Variants in ZFPM2 observed in about 807,000 individuals in gnomAD.
The protein encoded by ZFPM2 is zinc finger protein ZFPM2.
Under a neutral mutation model 98.6 loss-of-function variants are expected in ZFPM2, and 20 were observed. The ratio of observed to expected loss-of-function variants is 0.20; its 90% CI spans 0.14 to 0.29. The LOEUF is 0.29. Among genes scored for constraint, ZFPM2 ranks in the 10% least tolerant of loss-of-function variants. ZFPM2 has a pLI of 1.00. For synonymous variants in ZFPM2, 518 were observed against 502.7 expected, an observed-to-expected ratio of 1.03 and a Z score of -0.41; for missense variants, 1,310 against 1,388.6, an observed-to-expected ratio of 0.94 and a Z score of 0.90.
chr8:105,447,135 C>A (rs1046170174), intron 3 of ZFPM2, among the ~76,000 whole-genome samples: 1 of 151,834 alleles, frequency 6.6e-6, no homozygotes, highest in Non-Finnish European at 1.5e-5. Context: ...GACTATTACA[C>A]ATTGTTTTCC....
chr8:105,740,765 T>C (rs1586232103), intron 5 of ZFPM2, among the ~76,000 whole-genome samples: 1 of 151,976 alleles, frequency 6.6e-6, no homozygotes, highest in South Asian at 2.1e-4. Context: ...CATAGGAGTT[T>C]ATACTCCAAT....
At chr8:105,455,921 G>C (rs530667757) in intron 3 of ZFPM2, among the ~76,000 whole-genome samples, 8 of 152,250 alleles carry the variant, frequency 5.3e-5, no homozygotes, top group African/African-American at 1.7e-4. Context: ...CTGGGGTAGA[G>C]ATAGAAATTG....
At chr8:105,503,483 GA>G (rs1057244513) in intron 3 of ZFPM2, among the ~76,000 whole-genome samples, 1 of 151,930 alleles carries the variant, frequency 6.6e-6, no homozygotes, top group Non-Finnish European at 1.5e-5. Flanking sequence ...ATAGTCTATG[GA>G]AAAAAACAAG....
At chr8:105,795,298 G>C (rs1813763802) in intron 6 of ZFPM2, among the ~76,000 whole-genome samples, 1 of 142,982 alleles carries the variant, frequency 7.0e-6, no homozygotes, top group South Asian at 2.2e-4. Flanking sequence ...AATTGTCCTG[G>C]GAGTGTAGAA....
At chr8:105,452,058 C>T (rs1451447641) in intron 3 of ZFPM2, among the ~76,000 whole-genome samples, 2 of 152,190 alleles carry the variant, frequency 1.3e-5, no homozygotes, top group African/African-American at 4.8e-5. Flanking sequence ...AGAAACTTCA[C>T]TTAAATAGCT....
At chr8:105,489,229 A>T (rs1308444548) in intron 3 of ZFPM2, among the ~76,000 whole-genome samples, 1 of 151,904 alleles carries the variant, frequency 6.6e-6, no homozygotes, top group Non-Finnish European at 1.5e-5. Context: ...TCAGTTAGAG[A>T]AAAATCCTGT....
chr8:105,376,313 ATC>A (rs982408361), intron 1 of ZFPM2, among the ~76,000 whole-genome samples: 1 of 152,094 alleles, frequency 6.6e-6, no homozygotes, highest in African/African-American at 2.4e-5. Context: ...TCTGCTCAAT[ATC>A]TAGACATTGA....
chr8:105,751,376 A>T (rs1266498725), intron 5 of ZFPM2, among the ~76,000 whole-genome samples: 1 of 152,116 alleles, frequency 6.6e-6, no homozygotes, highest in Non-Finnish European at 1.5e-5. Context: ...AGCAGTGGCA[A>T]ACTTGAAGTC....
intron 2 of ZFPM2, among the ~76,000 whole-genome samples, chr8:105,424,286 G>A (rs1363061740): frequency 6.6e-6 from 1 of 151,752 alleles, no homozygotes; most frequent in Admixed American, 6.6e-5. Context: ...AAGGCCAGAA[G>A]GGAAAATGAT....
intron 1 of ZFPM2, among the ~76,000 whole-genome samples, chr8:105,368,286 G>T (rs1810548591): frequency 6.6e-6 from 1 of 151,980 alleles, no homozygotes; most frequent in Non-Finnish European, 1.5e-5. Context: ...GATTGGAATA[G>T]TTTCAGAAGG....
intron 5 of ZFPM2, among the ~76,000 whole-genome samples, chr8:105,739,031 GT>G (rs1291014511): frequency 6.6e-6 from 1 of 151,952 alleles, no homozygotes; most frequent in Non-Finnish European, 1.5e-5. Flanking sequence ...AGAATATGAA[GT>G]GTTTATTGGC....
At chr8:105,629,780 C>A (rs1416980891) in intron 4 of ZFPM2, among the ~76,000 whole-genome samples, 1 of 152,138 alleles carries the variant, frequency 6.6e-6, no homozygotes, top group East Asian at 1.9e-4. Flanking sequence ...CCACTACATT[C>A]TTTAGTTTCT....
chr8:105,622,185 C>G lies in ZFPM2; in HGVS notation c.421-12061C>G, dbSNP rs147447758. ...ACTTGGCCCAAACTTCAGTGTAACA[C>G]ACATGCAAATAATTGTAGAATTTAA... On this transcript the variant is annotated intron_variant, in intron 4 of 7. Coordinates refer to ENST00000407775, the MANE Select transcript of ZFPM2 (RefSeq NM_012082.4). Among the ~76,000 whole-genome samples, 84 of 152,162 alleles carry G rather than the reference C, an allele frequency of 5.5e-4. No homozygotes were observed. The East Asian group carries it at 0.012, about 22-fold the overall frequency.
At chr8:105,723,624 T>A (rs1465488136) in intron 5 of ZFPM2, among the ~76,000 whole-genome samples, 1 of 151,812 alleles carries the variant, frequency 6.6e-6, no homozygotes, top group Non-Finnish European at 1.5e-5. Flanking sequence ...GGGTTCTCAT[T>A]GTCGAGGCCT....
At chr8:105,432,138 G>C (rs146141628) in intron 2 of ZFPM2, among the ~76,000 whole-genome samples, 43 of 152,150 alleles carry the variant, frequency 2.8e-4, no homozygotes, top group African/African-American at 9.6e-4. Flanking sequence ...AAATAGTAGA[G>C]ACGAAGCATA....
chr8:105,441,457 A>AAGGAAGGAAGGAAG (rs1563659923), intron 2 of ZFPM2, among the ~76,000 whole-genome samples: 4 of 81,824 alleles, frequency 4.9e-5, no homozygotes, highest in Non-Finnish European at 7.4e-5. Context: ...AGAGAGAGAA[A>AAGGAAGGAAGGAAG]GAAAGAAAGA....
At chr8:105,582,892 C>T (rs1023845820) in intron 4 of ZFPM2, among the ~76,000 whole-genome samples, 4 of 152,190 alleles carry the variant, frequency 2.6e-5, no homozygotes, top group Non-Finnish European at 5.9e-5. Context: ...CCGTGCCCCT[C>T]CTGTTTTCAG....
At chr8:105,478,273 A>G (rs1373213437) in intron 3 of ZFPM2, among the ~76,000 whole-genome samples, 1 of 152,210 alleles carries the variant, frequency 6.6e-6, no homozygotes, top group Admixed American at 6.5e-5. Context: ...ACTAACATCA[A>G]CATGGGTTAA....
intron 4 of ZFPM2, among the ~76,000 whole-genome samples, chr8:105,612,636 C>G (rs1816330133): frequency 6.6e-6 from 1 of 152,156 alleles, no homozygotes; most frequent in Admixed American, 6.5e-5. Flanking sequence ...CAAAAACAAG[C>G]TATAAATATT....
Sources: allele counts gnomAD v4.1 joint callset (sites outside exome capture counted in the v4.1 genomes callset), GRCh38; gene constraint gnomAD v4.1.1; transcripts MANE v1.5; gene names NCBI Gene and HGNC (gene_info 2026-07-23, HGNC 2026-07-21).